The following UXS1 variants were observed in gnomAD, a reference collection of about 807,000 sequenced individuals.
The protein encoded by UXS1 is UDP-glucuronic acid decarboxylase 1.
In UXS1, 33 loss-of-function variants were observed where a neutral mutation model predicts 62.6. The observed-to-expected ratio is 0.53, with a 90% CI of 0.40 to 0.70. UXS1 has a LOEUF of 0.70. Among genes scored for constraint, UXS1 ranks in the 30% least tolerant of loss-of-function variants. UXS1 has a pLI of 0.00. For synonymous variants in UXS1, 213 were observed against 206.8 expected (o/e 1.03, Z -0.26); for missense variants, 434 against 556.3 (o/e 0.78, Z 2.21).
intron 1 of UXS1, 84 bp downstream of exon 1, chr2:106,194,064 G>A (rs1304200026): frequency 5.2e-6 from 6 of 1,163,642 alleles, no homozygotes; most frequent in African/African-American, 3.3e-5. Flanking sequence ...GGGCCGCCTC[G>A]GGGCCCCGAA....
intron 9 of UXS1, among the ~76,000 whole-genome samples, chr2:106,116,241 G>A (rs1298937827): frequency 6.6e-6 from 1 of 152,188 alleles, no homozygotes; most frequent in African/African-American, 2.4e-5. Context: ...TGACAGAAGT[G>A]ATTTTATCTT....
At chr2:106,130,977 C>T (rs1472422806) in intron 6 of UXS1, among the ~76,000 whole-genome samples, 1 of 152,040 alleles carries the variant, frequency 6.6e-6, no homozygotes, top group Non-Finnish European at 1.5e-5. Flanking sequence ...GTGATTTCTG[C>T]ATTTCCATCT....
At chr2:106,097,227 G>A (rs1677193760) in intron 13 of UXS1, 1 of 458,184 alleles carries the variant, frequency 2.2e-6, no homozygotes, top group Admixed American at 2.3e-5. Context: ...TGAGGTGGAT[G>A]CCCCAAGTGG....
intron 5 of UXS1, among the ~76,000 whole-genome samples, chr2:106,152,959 T>C (rs1302137325): frequency 6.6e-6 from 1 of 152,174 alleles, no homozygotes; most frequent in African/African-American, 2.4e-5. Flanking sequence ...TCAGAGGTTT[T>C]CCTGGGGGAC....
intron 6 of UXS1, among the ~76,000 whole-genome samples, chr2:106,144,524 T>C (rs1681397675): frequency 6.6e-6 from 1 of 152,244 alleles, no homozygotes; most frequent in Admixed American, 6.5e-5. Flanking sequence ...AAAGAACTCA[T>C]ACTAAAAGAA....
At chr2:106,165,608 T>C (rs1195229079) in intron 2 of UXS1, among the ~76,000 whole-genome samples, 2 of 152,164 alleles carry the variant, frequency 1.3e-5, no homozygotes, top group African/African-American at 4.8e-5. Context: ...ACACGATGCA[T>C]ACAGGCCTAA....
At chr2:106,129,443 C>T (rs1680247399) in intron 7 of UXS1, among the ~76,000 whole-genome samples, 1 of 152,196 alleles carries the variant, frequency 6.6e-6, no homozygotes, top group African/African-American at 2.4e-5. Context: ...AGCCTGATTA[C>T]TACAATGCAT....
intron 6 of UXS1, among the ~76,000 whole-genome samples, chr2:106,141,150 C>T (rs1049315459): frequency 2.0e-5 from 3 of 152,126 alleles, no homozygotes; most frequent in Non-Finnish European, 4.4e-5. Flanking sequence ...GAAGGGAAAA[C>T]CCGTGTCTTG....
chr2:106,102,798 A>C (rs1677702936), intron 11 of UXS1: 3 of 152,232 alleles, frequency 2.0e-5, no homozygotes, highest in African/African-American at 7.2e-5. Context: ...TTGGTCAGTT[A>C]ATGAACTCAT....
intron 9 of UXS1, 124 bp from the exon 10 acceptor site, chr2:106,112,889 A>T: frequency 1.4e-6 from 2 of 1,428,636 alleles, no homozygotes; most frequent in Non-Finnish European, 1.8e-6. Flanking sequence ...CCAAAATGGA[A>T]ATGGCTTTTT....
chr2:106,114,807 C>A (rs968546236), intron 9 of UXS1, among the ~76,000 whole-genome samples: 1 of 152,274 alleles, frequency 6.6e-6, no homozygotes, highest in East Asian at 1.9e-4. Flanking sequence ...AACAACACTT[C>A]CAAGAACACG....
intron 6 of UXS1, chr2:106,138,891 A>C: frequency 1.0e-6 from 1 of 984,900 alleles, no homozygotes; most frequent in South Asian, 4.7e-5. Context: ...TAAAAAGGGC[A>C]CTGCAGCAGA....
chr2:106,127,961 C>A (rs1680102084), intron 7 of UXS1, among the ~76,000 whole-genome samples: 1 of 152,148 alleles, frequency 6.6e-6, no homozygotes, highest in Admixed American at 6.5e-5. Flanking sequence ...ACGCTTGTGC[C>A]CGTTCAGCAG....
chr2:106,164,760 T>C lies in UXS1; in HGVS notation c.162A>G (p.Leu54=). The C allele has an allele frequency of 6.3e-7, 1 of 1,590,184 alleles. No individual in the cohort carries two copies. Among genetic ancestry groups the C allele is most frequent in the South Asian group, 1.1e-5 (1 of 86,998 alleles). The change falls in exon 3 of 15, where the codon CTA becomes CTG. Residue 54 remains leucine, a synonymous_variant. Coordinates refer to ENST00000283148, the MANE Select transcript of UXS1 (RefSeq NM_001253875.2). ...LNRSIQENGE[L]KIESKIEEMV... is the part of the protein sequence containing the mutation. ...CCTCTTCAATCTTGCTTTCAATTTTTAGTTCACCATTTTCCTGGATAGACC... is the reference window on the plus strand; with the variant it reads ...CCTCTTCAATCTTGCTTTCAATTTTCAGTTCACCATTTTCCTGGATAGACC...
intron 10 of UXS1, among the ~76,000 whole-genome samples, chr2:106,108,111 C>T (rs1010827408): frequency 1.3e-5 from 2 of 152,208 alleles, no homozygotes; most frequent in African/African-American, 4.8e-5. Flanking sequence ...TACTTCCTTC[C>T]TCATGTCCTT....
intron 1 of UXS1, among the ~76,000 whole-genome samples, chr2:106,176,189 T>TCCTCCCA (rs1447411081): frequency 5.9e-5 from 9 of 151,948 alleles, no homozygotes; most frequent in Admixed American, 2.0e-4. Flanking sequence ...CTGGCTGCAG[T>TCCTCCCA]CCTCCCACCT....
chr2:106,139,018 T>A, intron 6 of UXS1: 1 of 327,242 alleles, frequency 3.1e-6, no homozygotes, highest in Non-Finnish European at 4.4e-6. Flanking sequence ...GTAACATTAA[T>A]AACAACCGGC....
intron 14 of UXS1, among the ~76,000 whole-genome samples, chr2:106,096,008 C>T (rs1431846178): frequency 6.6e-6 from 1 of 152,204 alleles, no homozygotes; most frequent in East Asian, 1.9e-4. Flanking sequence ...CATGCAGTTC[C>T]CCTTCCTCCA....
chr2:106,175,045 A>T (rs1159431737), intron 1 of UXS1, among the ~76,000 whole-genome samples: 1 of 152,240 alleles, frequency 6.6e-6, no homozygotes, highest in East Asian at 1.9e-4. Flanking sequence ...ACTGAGTGAC[A>T]TCAACCTCCA....
Sources: allele counts gnomAD v4.1 joint callset (sites outside exome capture counted in the v4.1 genomes callset), GRCh38; gene constraint gnomAD v4.1.1; transcripts MANE v1.5; gene names NCBI Gene and HGNC (gene_info 2026-07-23, HGNC 2026-07-21).